ADAM23: variants seen among roughly 807,000 people sequenced by gnomAD.
ADAM23 encodes disintegrin and metalloproteinase domain-containing protein 23.
In ADAM23, 33 loss-of-function variants were observed where a neutral mutation model predicts 120.1. The observed-to-expected ratio is 0.27, with a 90% CI of 0.21 to 0.37. The LOEUF (loss-of-function observed/expected upper bound fraction) is 0.37. Among genes scored for constraint, ADAM23 ranks in the 10% least tolerant of loss-of-function variants. The pLI is 1.00. For synonymous variants in ADAM23, 367 were observed against 375.2 expected (o/e 0.98, Z 0.25); for missense variants, 862 against 1,058.2 (o/e 0.81, Z 2.57).
intron 4 of ADAM23, among the ~76,000 whole-genome samples, chr2:206,535,552 C>G (rs948619626): frequency 6.6e-6 from 1 of 152,178 alleles, no homozygotes; most frequent in African/African-American, 2.4e-5. Context: ...TGGAAACACC[C>G]TAAATGTCCT....
intron 3 of ADAM23, among the ~76,000 whole-genome samples, chr2:206,518,977 T>C (rs560131240): frequency 6.6e-6 from 1 of 152,286 alleles, no homozygotes; most frequent in African/African-American, 2.4e-5. Flanking sequence ...CCTAGGTGTA[T>C]ATTTAAGGTA....
intron 5 of ADAM23, 121 bp from the exon 6 acceptor site, chr2:206,543,132 T>C (rs1697327584): frequency 1.2e-6 from 1 of 835,928 alleles, no homozygotes; most frequent in Non-Finnish European, 1.9e-6. Flanking sequence ...TGTGACAGTG[T>C]AAAGGGATTT....
rs1697481690 is a variant in ADAM23 at position 206,550,078 on chromosome 2, A to G, written c.868-17A>G. The G allele has an allele frequency of 2.7e-6, 4 of 1,499,932 alleles. No homozygotes were observed. Among genetic ancestry groups the G allele is most frequent in the Non-Finnish European group, 3.7e-6 (4 of 1,083,418 alleles). 92.9% of individuals were successfully genotyped at this position (1,499,932 alleles called of 1,614,324 possible). On this transcript the variant is annotated splice_polypyrimidine_tract_variant and intron_variant, in intron 8 of 25. Transcript: ENST00000264377. ...ATGTCAATCACTATTCTGACCATAT[A>G]TTTTTATTTTCCGTAGCCATCACGT...
At chr2:206,570,924 A>T (rs1697983566) in intron 16 of ADAM23, 113 bp downstream of exon 16, 1 of 856,810 alleles carries the variant, frequency 1.2e-6, no homozygotes, top group Admixed American at 2.1e-5. Flanking sequence ...TTTCTTTCTC[A>T]TCTCTCTGAT....
intron 3 of ADAM23, among the ~76,000 whole-genome samples, chr2:206,505,524 G>A (rs1696479657): frequency 6.6e-6 from 1 of 152,174 alleles, no homozygotes; most frequent in South Asian, 2.1e-4. Flanking sequence ...AGTCATAGCG[G>A]AAGGTGAGGG....
intron 3 of ADAM23, among the ~76,000 whole-genome samples, chr2:206,491,010 T>C (rs1459100683): frequency 1.3e-5 from 2 of 152,168 alleles, no homozygotes; most frequent in Non-Finnish European, 2.9e-5. Flanking sequence ...GAGAATGACT[T>C]GCACAATTAA....
intron 3 of ADAM23, among the ~76,000 whole-genome samples, chr2:206,520,388 T>C (rs562719741): frequency 1.2e-4 from 19 of 152,318 alleles, no homozygotes; most frequent in African/African-American, 3.1e-4. Context: ...TAAAACAGTG[T>C]AAAATTACAA....
intron 3 of ADAM23, among the ~76,000 whole-genome samples, chr2:206,483,627 T>A (rs1695943369): frequency 6.6e-6 from 1 of 152,084 alleles, no homozygotes; most frequent in African/African-American, 2.4e-5. Flanking sequence ...GGAGAATGAT[T>A]AAACAGAGTT....
In ADAM23 at chr2:206,548,353, A is replaced by T. The variant is rs770896987; in HGVS notation, c.866A>T (p.Asn289Ile). The T allele has an allele frequency of 2.5e-6, 4 of 1,608,334 alleles. No individual in the cohort carries two copies. The South Asian group carries it at 4.4e-5, about 18-fold the overall frequency. The part of the protein sequence containing the change: ...QWLKRRKRAV[N>I]PSRGIFEEMK... ...TTGAAAAGAAGGAAGAGAGCAGTGAATGTGAGTGTGGCATTGAGCCTTGGG... is the reference window on the plus strand; with the variant it reads ...TTGAAAAGAAGGAAGAGAGCAGTGATTGTGAGTGTGGCATTGAGCCTTGGG... The change falls in exon 8 of 26, where the codon AAT becomes ATT. Residue 289 changes from asparagine (N) to isoleucine (I), a missense_variant and splice_region_variant. Physicochemically the swap from Asn to Ile is moderately radical, Grantham distance 149. Around this residue, in one of 4 missense-constraint regions of ADAM23, gnomAD observed 617 missense variants for 813.5 expected, o/e 0.76. Transcript: ENST00000264377.
chr2:206,463,332 G>C (rs1695465874), intron 2 of ADAM23, among the ~76,000 whole-genome samples: 1 of 152,148 alleles, frequency 6.6e-6, no homozygotes, highest in African/African-American at 2.4e-5. Context: ...GATGCGAGGA[G>C]GGGCCCACAA....
Position 206,547,465 on chromosome 2 carries a change from T to C in ADAM23, c.757T>C (p.Leu253=), listed in dbSNP as rs138247347. The change falls in exon 7 of 26, where the codon TTG becomes CTG. Residue 253 remains leucine, a synonymous_variant. Transcript: ENST00000264377. ...TCGACCACATATAATCCAGAAAACC[T>C]TGGCAGGACAGTATTCTAAGCAAAT... ...TGRPHIIQKT[L]AGQYSKQMKN... The C allele has an allele frequency of 1.2e-6, 2 of 1,613,152 alleles. No homozygotes were observed. The highest frequency in any genetic ancestry group is 2.7e-5 in the African/African-American group (2 of 74,896).
At chr2:206,483,713 A>G (rs1204054961) in intron 3 of ADAM23, among the ~76,000 whole-genome samples, 1 of 152,162 alleles carries the variant, frequency 6.6e-6, no homozygotes, top group Non-Finnish European at 1.5e-5. Flanking sequence ...GAATAATCTA[A>G]TGAGGTAAGA....
rs371282161 is a variant in ADAM23 at position 206,618,786 on chromosome 2, C to T, written c.*1159C>T. 1.1e-4 allele frequency: 17 copies of T among 152,020 alleles called. 1 individual carries two copies. Among genetic ancestry groups the T allele is most frequent in the Admixed American group, 4.6e-4 (7 of 15,252 alleles). 9.4% of individuals were successfully genotyped at this position (152,020 alleles called of 1,614,324 possible). On this transcript the variant is annotated 3_prime_UTR_variant, in exon 26 of 26. Transcript: ENST00000264377. ...AAATGGAAATATATGTACTAAGTTT[C>T]GAAAATTTTTTGATGTCATTATAAA...
intron 4 of ADAM23, among the ~76,000 whole-genome samples, chr2:206,540,846 G>C (rs1240499421): frequency 6.6e-6 from 1 of 151,638 alleles, no homozygotes; most frequent in African/African-American, 2.4e-5. Context: ...CCCTAGTCTG[G>C]TAGGAGCTCA....
chr2:206,444,167 G>T, intron 1 of ADAM23, 87 bp downstream of exon 1: 6 of 1,090,380 alleles, frequency 5.5e-6, no homozygotes, highest in Non-Finnish European at 5.8e-6. Context: ...GTGTGCTCCG[G>T]GCTTGTCCCC....
rs1279844911 is a variant in ADAM23, at chr2:206,587,392, A to G, written c.1788+17A>G. The G allele has an allele frequency of 1.9e-6, 3 of 1,579,502 alleles. No homozygotes were observed. The highest frequency in any genetic ancestry group is 2.6e-6 in the Non-Finnish European group (3 of 1,161,522). On this transcript the variant is annotated intron_variant, in intron 19 of 25. Transcript: ENST00000264377. ...CAAAATCAGGTATGCTGGGCTATAA[A>G]TTTTAAGTGTAATTTAAAAAGGATT...
At chr2:206,579,683 T>TTTGC (rs892681914) in intron 18 of ADAM23, among the ~76,000 whole-genome samples, 6 of 152,230 alleles carry the variant, frequency 3.9e-5, no homozygotes, top group African/African-American at 1.4e-4. Flanking sequence ...GATTTGTTCT[T>TTTGC]TTGCTTAGTC....
intron 2 of ADAM23, among the ~76,000 whole-genome samples, chr2:206,454,252 G>A (rs1170907587): frequency 6.6e-6 from 1 of 152,130 alleles, no homozygotes; most frequent in African/African-American, 2.4e-5. Context: ...AGGTGAAGGG[G>A]AAGCAAGCAA....
Position 206,619,703 on chromosome 2 carries a change from G to A in ADAM23, c.*2076G>A, listed in dbSNP as rs937373039. 6 of 151,926 alleles carry A rather than the reference G, an allele frequency of 3.9e-5. No individual in the cohort carries two copies. The highest frequency in any genetic ancestry group is 1.9e-4 in the East Asian group (1 of 5,190). The allele number at this position is 151,926 out of a possible 1,614,324, so 9.4% of individuals were successfully genotyped here. On this transcript the variant is annotated 3_prime_UTR_variant, in exon 26 of 26. Transcript: ENST00000264377. ...TAACACAGTGGGGTTTTTTTCCCCC[G>A]AGGTGTCTTTAACTGGGGAAGTACC...
Sources: allele counts gnomAD v4.1 joint callset (sites outside exome capture counted in the v4.1 genomes callset), GRCh38; gene constraint gnomAD v4.1.1; regional missense constraint gnomAD v4.1.1; transcripts MANE v1.5; gene names NCBI Gene and HGNC (gene_info 2026-07-23, HGNC 2026-07-21).